The following LRP6 variants were observed in gnomAD, a reference collection of about 807,000 sequenced individuals.
LRP6 encodes low-density lipoprotein receptor-related protein 6.
Under a neutral mutation model 184.1 loss-of-function variants are expected in LRP6, and 43 were observed. The ratio of observed to expected loss-of-function variants is 0.23; its 90% CI spans 0.18 to 0.30. The LOEUF is 0.30. LRP6 is among the 10% of genes least tolerant of loss of function. The probability of loss-of-function intolerance (pLI) is 1.00; values close to 1 mark genes in which losing one functional copy is unlikely to be tolerated. For missense variants in LRP6, 1,571 were observed against 2,005.3 expected (o/e 0.78, Z 4.14); for synonymous variants, 719 against 684.9 (o/e 1.05, Z -0.78).
intron 1 of LRP6, among the ~76,000 whole-genome samples, chr12:12,264,233 GC>G (rs1865699972): frequency 6.6e-6 from 1 of 151,850 alleles, no homozygotes; most frequent in African/African-American, 2.4e-5. Context: ...AAAAATTATA[GC>G]AAAAAGTAAC....
chr12:12,129,266 G>C (rs932173243), intron 19 of LRP6, among the ~76,000 whole-genome samples: 13 of 152,222 alleles, frequency 8.5e-5, no homozygotes, highest in African/African-American at 2.6e-4. Context: ...GCTTGACCAT[G>C]CTAGTCTTTT....
intron 9 of LRP6, 72 bp downstream of exon 9, chr12:12,164,201 C>T: frequency 7.2e-7 from 1 of 1,388,514 alleles, no homozygotes; most frequent in Non-Finnish European, 1.0e-6. Flanking sequence ...TGGGTCACAG[C>T]ATGAAGATTC....
Position 12,126,822 on chromosome 12 carries a change from C to T in LRP6, c.4181G>A (p.Cys1394Tyr). The T allele has an allele frequency of 6.2e-7, 1 of 1,614,108 alleles. No individual in the cohort carries two copies. The highest frequency in any genetic ancestry group is 8.5e-7 in the Non-Finnish European group (1 of 1,179,996). ...IFVSGTVYFICQRMLCPRMKG... is the reference protein window; with the variant it reads ...IFVSGTVYFIYQRMLCPRMKG... ...CATACGTGGACACAACATCCTCTGGCAGATAAAGTATACAGTTCCAGACAC... is the reference window on the plus strand; with the variant it reads ...CATACGTGGACACAACATCCTCTGGTAGATAAAGTATACAGTTCCAGACAC... Residue 1394 changes from cysteine to tyrosine, a missense_variant, in exon 20 of 23, where the codon TGC (cysteine) becomes TAC (tyrosine). By Grantham distance (194) the Cys-to-Tyr change is radical. Around this residue, in one of 4 missense-constraint regions of LRP6, gnomAD observed 763 missense variants for 859.5 expected, o/e 0.89. Transcript: ENST00000261349.
chr12:12,262,747 T>G (rs1865650343), intron 1 of LRP6, among the ~76,000 whole-genome samples: 1 of 152,154 alleles, frequency 6.6e-6, no homozygotes, highest in African/African-American at 2.4e-5. Context: ...CCCGTTAGAT[T>G]AGGAAACACA....
Position 12,150,919 on chromosome 12 carries a change from C to T in LRP6, c.2911G>A (p.Asp971Asn), listed in dbSNP as rs1433112318. The T allele has an allele frequency of 8.1e-6, 13 of 1,614,054 alleles. No individual in the cohort carries two copies. Among genetic ancestry groups the T allele is most frequent in the African/African-American group, 1.3e-5 (1 of 74,910 alleles). The change falls in exon 13 of 23, where the codon GAC becomes AAC. Residue 971 changes from aspartate to asparagine, a missense_variant. Transcript: ENST00000261349. ...IHSLRNVRAI[D>N]YDPLDKQLYW... ...AGTTGCTTGTCCAGTGGGTCATAGT[C>T]AATGGCCCGGACATTCCGAAGGCTG...
chr12:12,123,281 A>C (rs183289237), intron 22 of LRP6, among the ~76,000 whole-genome samples: 18 of 152,344 alleles, frequency 1.2e-4, no homozygotes, highest in Admixed American at 1.1e-3. Flanking sequence ...CTCCTTTCTC[A>C]ATTTTCAGGC....
intron 2 of LRP6, among the ~76,000 whole-genome samples, chr12:12,230,269 T>G (rs1194807961): frequency 6.6e-6 from 1 of 152,220 alleles, no homozygotes; most frequent in African/African-American, 2.4e-5. Flanking sequence ...CAAATTTACT[T>G]TATACATTTT....
chr12:12,256,951 A>G (rs1865480211), intron 1 of LRP6, among the ~76,000 whole-genome samples: 1 of 152,242 alleles, frequency 6.6e-6, no homozygotes, highest in Non-Finnish European at 1.5e-5. Flanking sequence ...AAAGGAATGA[A>G]GTACTGACAC....
intron 19 of LRP6, 151 bp downstream of exon 19, chr12:12,130,632 A>G: frequency 1.6e-6 from 1 of 626,882 alleles, no homozygotes; most frequent in East Asian, 2.8e-5. Flanking sequence ...TACTGAAAGC[A>G]AAACATAAAA....
intron 15 of LRP6, among the ~76,000 whole-genome samples, chr12:12,141,001 G>A (rs1018478600): frequency 6.6e-6 from 1 of 152,172 alleles, no homozygotes; most frequent in Non-Finnish European, 1.5e-5. Context: ...CCAGCAAACT[G>A]AGAAAAGAAG....
chr12:12,164,467 G>C lies in LRP6; in HGVS notation c.1858C>G (p.Leu620Val). The C allele has an allele frequency of 6.2e-7, 1 of 1,614,152 alleles. No individual in the cohort carries two copies. Among genetic ancestry groups the C allele is most frequent in the South Asian group, 1.1e-5 (1 of 91,082 alleles). The change falls in exon 9 of 23, where the codon CTC (leucine) becomes GTC (valine). Residue 620 changes from leucine (L) to valine (V), a missense_variant. Leu to Val is a conservative substitution (Grantham distance 32). Transcript: ENST00000261349. The part of the protein sequence containing the change: ...LRCACPIGFE[L>V]ISDMKTCIVP... ...ATGCAGGTCTTCATGTCACTGATGAGTTCAAAGCCAATAGGGCAAGCACAG... is the reference window on the plus strand; with the variant it reads ...ATGCAGGTCTTCATGTCACTGATGACTTCAAAGCCAATAGGGCAAGCACAG...
At chr12:12,194,851 CTCT>C (rs1221583145) in intron 3 of LRP6, among the ~76,000 whole-genome samples, 6 of 151,974 alleles carry the variant, frequency 3.9e-5, no homozygotes, top group African/African-American at 1.2e-4. Flanking sequence ...TTTAGCAAAT[CTCT>C]TCTTATCTCT....
chr12:12,164,204 G>T, intron 9 of LRP6, 69 bp downstream of exon 9: 1 of 1,419,952 alleles, frequency 7.0e-7, no homozygotes, highest in Non-Finnish European at 9.8e-7. Context: ...GTCACAGCAT[G>T]AAGATTCAGA....
At chr12:12,140,605 CT>C (rs145009698) in intron 15 of LRP6, among the ~76,000 whole-genome samples, 83,154 of 137,580 alleles carry the variant, frequency 0.6, 25,065 homozygotes, top group East Asian at 0.88. Flanking sequence ...TTTTAAAAAT[CT>C]TTTTTTTTTT....
chr12:12,137,478 G>A (rs1949858041), intron 16 of LRP6, among the ~76,000 whole-genome samples: 1 of 151,962 alleles, frequency 6.6e-6, no homozygotes, highest in Non-Finnish European at 1.5e-5. Context: ...TTCTAAGCTG[G>A]GAATTGAAAT....
chr12:12,231,205 A>G (rs1414590244), intron 2 of LRP6, among the ~76,000 whole-genome samples: 1 of 150,576 alleles, frequency 6.6e-6, no homozygotes, highest in Admixed American at 6.6e-5. Context: ...AAAAAAAAAA[A>G]AAAGCAGTAC....
At chr12:12,204,299 GGA>G (rs1314741163) in intron 2 of LRP6, among the ~76,000 whole-genome samples, 1 of 130,230 alleles carries the variant, frequency 7.7e-6, no homozygotes, top group African/African-American at 2.8e-5. Flanking sequence ...AAAAAAAAAA[GGA>G]GGGGGGGGTC....
chr12:12,197,384 TG>T (rs1863791264), intron 3 of LRP6, among the ~76,000 whole-genome samples: 1 of 152,220 alleles, frequency 6.6e-6, no homozygotes, highest in Non-Finnish European at 1.5e-5. Context: ...CACCACAATT[TG>T]GGTGCTACAG....
rs117427180 is a variant in LRP6, at chr12:12,168,144, G to A, written c.1546-2849C>T. Reference sequence around the variant, plus strand: ...CCTCCCCGCAAATCAAACAACATTAGTAAAGACATCTAGTAAATGCAAACC... The same window carrying A: ...CCTCCCCGCAAATCAAACAACATTAATAAAGACATCTAGTAAATGCAAACC... On this transcript the variant is annotated intron_variant, in intron 7 of 22. Coordinates refer to ENST00000261349, the MANE Select transcript of LRP6 (RefSeq NM_002336.3). 5.6e-4 allele frequency among the ~76,000 whole-genome samples: 86 copies of A among 152,250 alleles called. 1 individual carries two copies. In the East Asian group the frequency reaches 0.015, roughly 26 times the overall value.
Sources: gnomAD v4.1 joint callset for allele counts (sites outside exome capture counted in the v4.1 genomes callset) on GRCh38, gnomAD v4.1.1 for gene constraint, gnomAD v4.1.1 regional missense constraint, MANE v1.5 for transcripts, NCBI Gene and HGNC (gene_info 2026-07-23, HGNC 2026-07-21) for gene names.